Variants in ZNF451 observed in about 807,000 individuals in gnomAD.
ZNF451 encodes the protein E3 SUMO-protein ligase ZNF451.
A neutral mutation model predicts 107.1 loss-of-function variants in ZNF451; 80 were observed. The observed-to-expected ratio is 0.75, with a 90% CI of 0.62 to 0.90. The LOEUF (loss-of-function observed/expected upper bound fraction) is 0.90, where lower values mean the gene tolerates loss of function less well. Ranked by LOEUF, ZNF451 falls within the 40% of genes least tolerant of loss-of-function variation. ZNF451 has a pLI of 0.00. For synonymous variants in ZNF451, 362 were observed against 406.5 expected (o/e 0.89, Z 1.32); for missense variants, 1,107 against 1,236.2 (o/e 0.90, Z 1.57).
intron 14 of ZNF451, among the ~76,000 whole-genome samples, chr6:57,166,197 T>A (rs1763890231): frequency 6.6e-6 from 1 of 152,192 alleles, no homozygotes; most frequent in Non-Finnish European, 1.5e-5. Flanking sequence ...CCGCCTAATT[T>A]TTGTATTTTT....
intron 3 of ZNF451, chr6:57,102,787 T>C: frequency 1.0e-6 from 1 of 985,444 alleles, no homozygotes; most frequent in African/African-American, 1.7e-5. Context: ...GGAAAAAGAC[T>C]TCTACCTGTA....
At chr6:57,096,522 T>A (rs1352088012) in intron 2 of ZNF451, among the ~76,000 whole-genome samples, 2 of 149,754 alleles carry the variant, frequency 1.3e-5, no homozygotes, top group African/African-American at 4.9e-5. Context: ...TTTTACTTTT[T>A]ACCTTGCATC....
At chr6:57,093,909 T>C (rs980992108) in intron 2 of ZNF451, among the ~76,000 whole-genome samples, 1 of 152,224 alleles carries the variant, frequency 6.6e-6, no homozygotes, top group Admixed American at 6.5e-5. Flanking sequence ...TGGAAACTAT[T>C]TGAAATGTTG....
chr6:57,128,660 G>A, intron 4 of ZNF451, 69 bp from the exon 5 acceptor site: 2 of 979,148 alleles, frequency 2.0e-6, no homozygotes, highest in Non-Finnish European at 1.6e-6. Flanking sequence ...GATCACTAAT[G>A]TGTCAAAATC....
chr6:57,130,161 T>C (rs1390312810), intron 5 of ZNF451, among the ~76,000 whole-genome samples: 1 of 152,184 alleles, frequency 6.6e-6, no homozygotes, highest in African/African-American at 2.4e-5. Context: ...GGTTGAATTT[T>C]TATAGAGGTA....
At chr6:57,102,635 C>T (rs2127941082) in intron 3 of ZNF451, 1 of 985,928 alleles carries the variant, frequency 1.0e-6, no homozygotes. Context: ...CACCAAGAGT[C>T]CGTACTACTA....
intron 7 of ZNF451, among the ~76,000 whole-genome samples, chr6:57,138,217 T>TA (rs1290683172): frequency 1.3e-5 from 2 of 152,060 alleles, no homozygotes; most frequent in African/African-American, 4.8e-5. Context: ...GTTTGTGGGT[T>TA]TCAGTTTTTA....
chr6:57,122,038 A>G (rs1830663830), intron 3 of ZNF451, among the ~76,000 whole-genome samples: 1 of 152,200 alleles, frequency 6.6e-6, no homozygotes, highest in Admixed American at 6.5e-5. Context: ...CACGCAGACC[A>G]ATGGAATAAG....
intron 9 of ZNF451, among the ~76,000 whole-genome samples, chr6:57,142,930 C>A (rs545052335): frequency 1.3e-5 from 2 of 152,196 alleles, no homozygotes; most frequent in Admixed American, 1.3e-4. Context: ...TCTTGATAAA[C>A]AATGATGTTG....
At chr6:57,105,111 G>C (rs1045972443) in intron 3 of ZNF451, 42 of 985,290 alleles carry the variant, frequency 4.3e-5, no homozygotes, top group Non-Finnish European at 4.8e-5. Flanking sequence ...CTCTTAGTCA[G>C]ATAATAAATC....
intron 3 of ZNF451, among the ~76,000 whole-genome samples, chr6:57,115,749 A>G (rs924532101): frequency 1.3e-5 from 2 of 152,076 alleles, no homozygotes; most frequent in Non-Finnish European, 2.9e-5. Context: ...AAGACCTCCA[A>G]TTTTCCCAAT....
chr6:57,149,999 A>G (rs911752301), intron 10 of ZNF451, among the ~76,000 whole-genome samples: 2 of 152,224 alleles, frequency 1.3e-5, no homozygotes, highest in African/African-American at 4.8e-5. Flanking sequence ...TTTTTAAATA[A>G]TATAACATTT....
Position 57,150,725 on chromosome 6 carries a change from A to G in ZNF451, c.2615A>G (p.Glu872Gly). Residue 872 changes from glutamate to glycine, a missense_variant, in exon 11 of 15, where the codon GAA becomes GGA. Around this residue, in one of 5 missense-constraint regions of ZNF451, gnomAD observed 608 missense variants for 649.2 expected, o/e 0.94. Coordinates refer to ENST00000370706, the MANE Select transcript of ZNF451 (RefSeq NM_001031623.3). ...NDLSYQNIEE[E>G]IVELPDLDYL... ...GATATTTCTCTCTTCTCAGAGGAAGAAATTGTTGAGCTTCCAGATTTGGAT... is the reference window on the plus strand; with the variant it reads ...GATATTTCTCTCTTCTCAGAGGAAGGAATTGTTGAGCTTCCAGATTTGGAT... The G allele has an allele frequency of 6.2e-7, 1 of 1,601,718 alleles. No individual in the cohort carries two copies. Among genetic ancestry groups the G allele is most frequent in the South Asian group, 1.1e-5 (1 of 87,570 alleles).
Position 57,124,879 on chromosome 6 carries a change from G to A in ZNF451, c.312+20G>A. The A allele has an allele frequency of 7.1e-7, 1 of 1,409,058 alleles. No homozygotes were observed. Among genetic ancestry groups the A allele is most frequent in the Non-Finnish European group, 9.4e-7 (1 of 1,068,776 alleles). 87.3% of individuals were successfully genotyped at this position (1,409,058 alleles called of 1,614,324 possible). ...TTCAGAGTATGTGCTATTTTAATTG[G>A]TATTTTATATAATTAAAAAATTATT... On this transcript the variant is annotated intron_variant, in intron 4 of 14. Coordinates refer to ENST00000370706, the MANE Select transcript of ZNF451 (RefSeq NM_001031623.3).
chr6:57,135,666 A>G, intron 7 of ZNF451, among the ~76,000 whole-genome samples: 1 of 152,170 alleles, frequency 6.6e-6, no homozygotes, highest in East Asian at 1.9e-4. Flanking sequence ...ATACATTTCT[A>G]CATTTTAAAT....
Position 57,168,635 on chromosome 6 carries a change from GC to G in ZNF451, c.*167del. 1.6e-6 allele frequency: 1 copy of G among 634,248 alleles called. No homozygotes were observed. The allele number at this position is 634,248 out of a possible 1,614,324, so 39.3% of individuals were successfully genotyped here. A position where few individuals can be genotyped will look rare whatever the true frequency, so the allele number is the denominator to read the frequency against. On this transcript the variant is annotated 3_prime_UTR_variant, in exon 15 of 15. Transcript: ENST00000370706. ...TCTGATCTTTGTTTTGTATTTTTGT[GC>G]TAATGTGCAAACATGTACAGAAGAA...
Position 57,148,501 on chromosome 6 carries a change from C to A in ZNF451, c.2416C>A (p.Gln806Lys). ...ATTTCATGATCCTGAGAGTGCACAG[C>A]AGCATTTCCATAGAAAACATTGCTT... ...KAFHDPESAQ[Q>K]HFHRKHCFLQ... Residue 806 changes from glutamine to lysine, a missense_variant, in exon 10 of 15, where the codon CAG (glutamine) becomes AAG (lysine). Physicochemically the swap from Gln to Lys is moderately conservative, Grantham distance 53. Coordinates refer to ENST00000370706, the MANE Select transcript of ZNF451 (RefSeq NM_001031623.3). The A allele has an allele frequency of 6.2e-7, 1 of 1,614,122 alleles. No homozygotes were observed.
At chr6:57,101,444 C>T (rs1367679936) in intron 3 of ZNF451, 1 of 1,550,826 alleles carries the variant, frequency 6.4e-7, no homozygotes, top group Admixed American at 2.0e-5. Context: ...CCAAACCCAC[C>T]AGCTGAAGGC....
At chr6:57,126,048 A>T (rs1262556481) in intron 4 of ZNF451, among the ~76,000 whole-genome samples, 1 of 152,230 alleles carries the variant, frequency 6.6e-6, no homozygotes, top group East Asian at 1.9e-4. Flanking sequence ...TTCTTTTCCC[A>T]GGCAGTCTTA....
Sources: gnomAD v4.1 joint callset for allele counts (sites outside exome capture counted in the v4.1 genomes callset) on GRCh38, gnomAD v4.1.1 for gene constraint, gnomAD v4.1.1 regional missense constraint, MANE v1.5 for transcripts, NCBI Gene and HGNC (gene_info 2026-07-23, HGNC 2026-07-21) for gene names.